CTNNBL1: variants seen among roughly 807,000 people sequenced by gnomAD.
CTNNBL1 encodes the protein beta-catenin-like protein 1.
In CTNNBL1, 31 loss-of-function variants were observed where a neutral mutation model predicts 72.7. The ratio of observed to expected loss-of-function variants is 0.43; its 90% CI spans 0.32 to 0.58. The LOEUF (loss-of-function observed/expected upper bound fraction) is 0.58. CTNNBL1 is among the 20% of genes least tolerant of loss of function. The pLI, the probability that CTNNBL1 is intolerant of heterozygous loss-of-function variation, is 0.08. For synonymous variants in CTNNBL1, 240 were observed against 267.3 expected (o/e 0.90, Z 1.00); for missense variants, 534 against 725.1 (o/e 0.74, Z 3.03).
chr20:37,847,184 C>T (rs1331377835), intron 13 of CTNNBL1, among the ~76,000 whole-genome samples: 1 of 152,178 alleles, frequency 6.6e-6, no homozygotes, highest in Non-Finnish European at 1.5e-5. Context: ...TGTGGCATAA[C>T]TATAGCAATA....
At chr20:37,733,713 C>G (rs1759843441) in intron 2 of CTNNBL1, among the ~76,000 whole-genome samples, 1 of 152,130 alleles carries the variant, frequency 6.6e-6, no homozygotes, top group Non-Finnish European at 1.5e-5. Flanking sequence ...CCTATGTAGC[C>G]CTGCAAGCCA....
At chr20:37,701,991 T>C (rs752189999) in intron 1 of CTNNBL1, among the ~76,000 whole-genome samples, 4 of 152,252 alleles carry the variant, frequency 2.6e-5, no homozygotes, top group Non-Finnish European at 5.9e-5. Context: ...AATGAATCAT[T>C]GGTTGTTTTA....
intron 15 of CTNNBL1, among the ~76,000 whole-genome samples, chr20:37,865,252 C>G (rs1203089188): frequency 9.2e-5 from 14 of 152,102 alleles, no homozygotes; most frequent in Non-Finnish European, 1.3e-4. Context: ...GGTGACTGAC[C>G]ATAGCGCAAA....
At chr20:37,744,831 A>G (rs1032848417) in intron 3 of CTNNBL1, 1 of 152,172 alleles carries the variant, frequency 6.6e-6, no homozygotes, top group African/African-American at 2.4e-5. Flanking sequence ...TTTTGGGGGG[A>G]AAGTCTGTGA....
At chr20:37,835,883 T>C (rs185145243) in intron 11 of CTNNBL1, among the ~76,000 whole-genome samples, 9 of 152,346 alleles carry the variant, frequency 5.9e-5, no homozygotes, top group African/African-American at 2.2e-4. Flanking sequence ...TATTTAGATA[T>C]ATGAAATGCA....
intron 11 of CTNNBL1, among the ~76,000 whole-genome samples, chr20:37,821,529 C>T (rs892418623): frequency 6.6e-6 from 1 of 152,174 alleles, no homozygotes; most frequent in Admixed American, 6.5e-5. Flanking sequence ...TTCCCCTCCT[C>T]TCTTTTTTTC....
intron 13 of CTNNBL1, among the ~76,000 whole-genome samples, chr20:37,856,177 G>A (rs1448389971): frequency 6.9e-6 from 1 of 144,590 alleles, no homozygotes; most frequent in African/African-American, 2.6e-5. Flanking sequence ...TCCAGCCTGG[G>A]TGACAAGAGC....
chr20:37,821,012 C>T (rs2122770795), intron 11 of CTNNBL1, among the ~76,000 whole-genome samples: 1 of 152,324 alleles, frequency 6.6e-6, no homozygotes, highest in South Asian at 2.1e-4. Flanking sequence ...TACCACCTTG[C>T]TCATCCCCTG....
At chr20:37,714,858 A>G (rs2072972166) in intron 1 of CTNNBL1, among the ~76,000 whole-genome samples, 1 of 152,146 alleles carries the variant, frequency 6.6e-6, no homozygotes, top group Non-Finnish European at 1.5e-5. Flanking sequence ...GCTACCCCAC[A>G]TCAGTAGGAT....
At chr20:37,752,556 CT>C (rs551563749) in intron 4 of CTNNBL1, among the ~76,000 whole-genome samples, 1,850 of 143,580 alleles carry the variant, frequency 0.013, 31 homozygotes, top group African/African-American at 0.043. Flanking sequence ...TCTTATTTCT[CT>C]TTTTTTTTTT....
chr20:37,811,571 G>C, intron 11 of CTNNBL1, among the ~76,000 whole-genome samples: 1 of 152,192 alleles, frequency 6.6e-6, no homozygotes, highest in Non-Finnish European at 1.5e-5. Context: ...AATGTGCTTG[G>C]ATATGGGGTT....
chr20:37,827,477 GA>G (rs2072169997), intron 11 of CTNNBL1, among the ~76,000 whole-genome samples: 1 of 152,164 alleles, frequency 6.6e-6, no homozygotes, highest in Non-Finnish European at 1.5e-5. Context: ...AGAATAGGTG[GA>G]AAAGAGAACT....
At chr20:37,847,525 G>A (rs561986344) in intron 13 of CTNNBL1, among the ~76,000 whole-genome samples, 14 of 152,218 alleles carry the variant, frequency 9.2e-5, no homozygotes, top group African/African-American at 2.7e-4. Context: ...CTGACTCTCC[G>A]AACGACTTGA....
At chr20:37,773,971 G>A (rs1021794648) in intron 7 of CTNNBL1, among the ~76,000 whole-genome samples, 2 of 124,036 alleles carry the variant, frequency 1.6e-5, no homozygotes, top group Admixed American at 1.9e-4. Context: ...CCAGAGTGTT[G>A]GTGCCATCAC....
At chr20:37,864,831 C>CCTTG (rs11473467) in intron 15 of CTNNBL1, among the ~76,000 whole-genome samples, 1 of 151,528 alleles carries the variant, frequency 6.6e-6, no homozygotes, top group African/African-American at 2.4e-5. Flanking sequence ...CTGTAGGCTT[C>CCTTG]TTCTATTCCA....
chr20:37,775,736 T>G (rs968549311), intron 7 of CTNNBL1, among the ~76,000 whole-genome samples: 3 of 152,186 alleles, frequency 2.0e-5, no homozygotes, highest in Admixed American at 6.5e-5. Context: ...CTAATAAGTA[T>G]TTATTGAAAG....
At chr20:37,823,934 C>A (rs2072133852) in intron 11 of CTNNBL1, among the ~76,000 whole-genome samples, 1 of 152,182 alleles carries the variant, frequency 6.6e-6, no homozygotes, top group Non-Finnish European at 1.5e-5. Flanking sequence ...GAAAAGGACT[C>A]CTTACAAAAG....
chr20:37,843,353 T>A (rs1354952479), intron 13 of CTNNBL1, among the ~76,000 whole-genome samples: 1 of 152,180 alleles, frequency 6.6e-6, no homozygotes, highest in Non-Finnish European at 1.5e-5. Flanking sequence ...CTGATTTTAG[T>A]ATAGCCCTCC....
At chr20:37,728,518 T>TCA (rs1341794581) in intron 1 of CTNNBL1, among the ~76,000 whole-genome samples, 1 of 152,218 alleles carries the variant, frequency 6.6e-6, no homozygotes, top group African/African-American at 2.4e-5. Flanking sequence ...GGTTGGCACT[T>TCA]TGTTGAAGAA....
Sources: allele counts gnomAD v4.1 joint callset (sites outside exome capture counted in the v4.1 genomes callset), GRCh38; gene constraint gnomAD v4.1.1; transcripts MANE v1.5; gene names NCBI Gene and HGNC (gene_info 2026-07-23, HGNC 2026-07-21).